PARD3B: variants seen among roughly 807,000 people sequenced by gnomAD.
The protein encoded by PARD3B is par-3 family cell polarity regulator beta.
PARD3B carries 103 observed loss-of-function variants against 130.2 expected under a neutral mutation model. That is an observed-to-expected ratio of 0.79 (90% CI 0.67 to 0.93). The LOEUF (loss-of-function observed/expected upper bound fraction) is 0.93. Among genes scored for constraint, PARD3B ranks in the 40% least tolerant of loss-of-function variants. The pLI is 0.00. For synonymous variants in PARD3B, 583 were observed against 553.2 expected, an observed-to-expected ratio of 1.05 and a Z score of -0.76; for missense variants, 1,609 against 1,499.2, an observed-to-expected ratio of 1.07 and a Z score of -1.21.
chr2:205,191,075 G>GAAAAAAA (rs5837960), intron 14 of PARD3B, among the ~76,000 whole-genome samples: 7 of 97,730 alleles, frequency 7.2e-5, no homozygotes, highest in South Asian at 6.0e-4. Flanking sequence ...GAAAGAAATA[G>GAAAAAAA]AAAAAAAAAA....
intron 2 of PARD3B, among the ~76,000 whole-genome samples, chr2:204,775,182 C>T (rs758572911): frequency 6.6e-6 from 1 of 151,894 alleles, no homozygotes; most frequent in Admixed American, 6.6e-5. Flanking sequence ...TTCGTAAATA[C>T]GGATAAAAAA....
intron 16 of PARD3B, among the ~76,000 whole-genome samples, chr2:205,266,614 A>G (rs2040514683): frequency 6.6e-6 from 1 of 151,964 alleles, no homozygotes; most frequent in South Asian, 2.1e-4. Context: ...GTTTGTTGCT[A>G]TTTTCTGTTG....
chr2:205,133,279 A>T (rs1021608029), intron 10 of PARD3B, among the ~76,000 whole-genome samples: 2 of 152,188 alleles, frequency 1.3e-5, no homozygotes, highest in Non-Finnish European at 2.9e-5. Flanking sequence ...TGTTAGCGGT[A>T]TTTTTACAGT....
intron 1 of PARD3B, among the ~76,000 whole-genome samples, chr2:204,551,589 C>A (rs1292065547): frequency 6.6e-6 from 1 of 152,162 alleles, no homozygotes; most frequent in Non-Finnish European, 1.5e-5. Flanking sequence ...CATCCCCACA[C>A]ACCCTCTGTG....
chr2:205,072,396 G>A (rs1035095544), intron 4 of PARD3B, among the ~76,000 whole-genome samples: 6 of 151,908 alleles, frequency 3.9e-5, no homozygotes, highest in South Asian at 2.1e-4. Context: ...GATTACAGGC[G>A]TGCGCCACCA....
At chr2:204,819,361 C>G (rs901508179) in intron 2 of PARD3B, among the ~76,000 whole-genome samples, 1 of 152,176 alleles carries the variant, frequency 6.6e-6, no homozygotes, top group Admixed American at 6.5e-5. Context: ...TTTGGTGTTA[C>G]TACTGTAATT....
chr2:204,581,405 C>G (rs967033792), intron 1 of PARD3B, among the ~76,000 whole-genome samples: 1 of 151,950 alleles, frequency 6.6e-6, no homozygotes, highest in Non-Finnish European at 1.5e-5. Context: ...CTGATAAATG[C>G]TTTGTAATTA....
At chr2:204,602,421 A>C (rs977321156) in intron 1 of PARD3B, among the ~76,000 whole-genome samples, 6 of 151,988 alleles carry the variant, frequency 3.9e-5, no homozygotes, top group African/African-American at 1.4e-4. Context: ...ACAAAGACAC[A>C]GTTTAAAAAA....
intron 22 of PARD3B, among the ~76,000 whole-genome samples, chr2:205,571,192 T>C (rs2053549475): frequency 6.6e-6 from 1 of 152,246 alleles, no homozygotes; most frequent in South Asian, 2.1e-4. Context: ...AAGGCCGCTA[T>C]ATCTTTGTCT....
At chr2:205,114,371 A>T (rs1481771381) in intron 6 of PARD3B, among the ~76,000 whole-genome samples, 3 of 152,162 alleles carry the variant, frequency 2.0e-5, no homozygotes, top group Non-Finnish European at 2.9e-5. Context: ...CTAGATTGAT[A>T]TTGACAAGGG....
At chr2:205,367,859 G>C (rs566651906) in intron 18 of PARD3B, among the ~76,000 whole-genome samples, 1 of 152,176 alleles carries the variant, frequency 6.6e-6, no homozygotes, top group Non-Finnish European at 1.5e-5. Flanking sequence ...AGTTTATGTG[G>C]TTAAGTCTAC....
At chr2:205,006,342 T>A (rs1695263834) in intron 3 of PARD3B, among the ~76,000 whole-genome samples, 1 of 152,334 alleles carries the variant, frequency 6.6e-6, no homozygotes, top group Admixed American at 6.5e-5. Context: ...GTGAGATTGC[T>A]GGATTAAATG....
chr2:204,700,206 C>A (rs2037824383), intron 2 of PARD3B, among the ~76,000 whole-genome samples: 1 of 152,038 alleles, frequency 6.6e-6, no homozygotes, highest in South Asian at 2.1e-4. Flanking sequence ...CAATATATTG[C>A]TTTCCTCTTT....
intron 20 of PARD3B, among the ~76,000 whole-genome samples, chr2:205,497,493 C>T (rs1028522381): frequency 1.2e-3 from 163 of 135,842 alleles, no homozygotes; most frequent in African/African-American, 3.8e-3. Flanking sequence ...AAATAGATGA[C>T]CTCTTTCTGT....
intron 20 of PARD3B, among the ~76,000 whole-genome samples, chr2:205,466,718 GTTTTTGTTTTT>G (rs2048636042): frequency 6.6e-6 from 1 of 152,080 alleles, no homozygotes; most frequent in Non-Finnish European, 1.5e-5. Context: ...GTTTTGTTTT[GTTTTTGTTTTT>G]GAGACGAAGT....
chr2:205,537,661 A>G (rs981796613), intron 21 of PARD3B, among the ~76,000 whole-genome samples: 5 of 151,972 alleles, frequency 3.3e-5, no homozygotes, highest in African/African-American at 1.2e-4. Flanking sequence ...AGATGGACTC[A>G]CTCTCTACCT....
At chr2:205,094,692 T>C (rs1456544297) in intron 4 of PARD3B, among the ~76,000 whole-genome samples, 1 of 152,210 alleles carries the variant, frequency 6.6e-6, no homozygotes, top group African/African-American at 2.4e-5. Context: ...AGTATGCTTG[T>C]GTTGGCATGC....
At chr2:204,902,129 A>G (rs2046883447) in intron 2 of PARD3B, among the ~76,000 whole-genome samples, 1 of 152,172 alleles carries the variant, frequency 6.6e-6, no homozygotes, top group Non-Finnish European at 1.5e-5. Flanking sequence ...ACTTCAATTC[A>G]GAAGCTGTAT....
chr2:205,035,738 T>C (rs1697771770), intron 3 of PARD3B, among the ~76,000 whole-genome samples: 2 of 147,588 alleles, frequency 1.4e-5, no homozygotes, highest in African/African-American at 5.0e-5. Flanking sequence ...CCATTATATA[T>C]ATTCTACTAT....
Sources: allele counts gnomAD v4.1 joint callset (sites outside exome capture counted in the v4.1 genomes callset), GRCh38; gene constraint gnomAD v4.1.1; transcripts MANE v1.5; gene names NCBI Gene and HGNC (gene_info 2026-07-23, HGNC 2026-07-21).